Variants in TOLLIP observed in about 807,000 individuals in gnomAD.
TOLLIP encodes the protein toll-interacting protein.
TOLLIP carries 16 observed loss-of-function variants against 33.5 expected under a neutral mutation model. That is an observed-to-expected ratio of 0.48 (90% confidence interval 0.32 to 0.72). TOLLIP has a LOEUF of 0.72. Ranked by LOEUF, TOLLIP falls within the 30% of genes least tolerant of loss-of-function variation. The pLI is 0.03. For missense variants in TOLLIP, 325 were observed against 396.6 expected, an observed-to-expected ratio of 0.82 and a Z score of 1.53; for synonymous variants, 176 against 163.7, an observed-to-expected ratio of 1.07 and a Z score of -0.57.
At chr11:1,295,571 A>C in intron 2 of TOLLIP, 74 bp downstream of exon 2, 1 of 1,430,694 alleles carries the variant, frequency 7.0e-7, no homozygotes, top group African/African-American at 1.4e-5. Flanking sequence ...TGCAGTATAA[A>C]CGCCGAAATC....
chr11:1,295,863 C>A, intron 1 of TOLLIP, 69 bp from the exon 2 acceptor site: 2 of 1,480,742 alleles, frequency 1.4e-6, no homozygotes, highest in Non-Finnish European at 1.8e-6. Context: ...ACAGCAGCTG[C>A]CCCCGGCATT....
intron 1 of TOLLIP, among the ~76,000 whole-genome samples, chr11:1,296,701 T>A (rs1186913918): frequency 3.6e-5 from 4 of 110,090 alleles, no homozygotes; most frequent in African/African-American, 1.1e-4. Flanking sequence ...TGGTTGCTGG[T>A]GGAGTGGGGT....
intron 3 of TOLLIP, among the ~76,000 whole-genome samples, chr11:1,289,865 T>C (rs1423786552): frequency 7.0e-6 from 1 of 141,862 alleles, no homozygotes; most frequent in Non-Finnish European, 1.5e-5. Flanking sequence ...CACCTGCTGG[T>C]GAGCGGCCAG....
intron 2 of TOLLIP, among the ~76,000 whole-genome samples, chr11:1,294,337 GC>G (rs1864044455): frequency 1.9e-5 from 1 of 52,194 alleles, no homozygotes; most frequent in East Asian, 5.9e-4. Context: ...TTCTACGAAA[GC>G]CCGCGTGGCT....
intron 1 of TOLLIP, among the ~76,000 whole-genome samples, chr11:1,304,788 G>A (rs545006977): frequency 1.3e-5 from 2 of 152,102 alleles, no homozygotes; most frequent in East Asian, 1.9e-4. Flanking sequence ...AAATTCAAAA[G>A]GCAATGAGAG....
intron 1 of TOLLIP, among the ~76,000 whole-genome samples, chr11:1,297,607 C>G (rs1214376415): frequency 6.6e-6 from 1 of 152,258 alleles, no homozygotes; most frequent in Non-Finnish European, 1.5e-5. Context: ...GACTGGGACA[C>G]GTCACGAGTG....
In TOLLIP at chr11:1,276,617, G is replaced by A. The variant is rs1184365843; in HGVS notation, c.*422C>T. 8.0e-7 allele frequency: 1 copy of A among 1,252,428 alleles called. No homozygotes were observed. The highest frequency in any genetic ancestry group is 1.5e-5 in the African/African-American group (1 of 65,188). The allele number at this position is 1,252,428 out of a possible 1,614,324, so 77.6% of individuals were successfully genotyped here. Reference sequence around the variant, plus strand: ...AAGTTCTAAAAAAAACCCACAGTGTGAGGGATTGTGTGTGCCTTAAATCAA... The same window carrying A: ...AAGTTCTAAAAAAAACCCACAGTGTAAGGGATTGTGTGTGCCTTAAATCAA... On this transcript the variant is annotated 3_prime_UTR_variant, in exon 6 of 6. Coordinates refer to ENST00000317204, the MANE Select transcript of TOLLIP (RefSeq NM_019009.4).
At chr11:1,292,787 G>A (rs150764394) in intron 2 of TOLLIP, among the ~76,000 whole-genome samples, 8 of 152,380 alleles carry the variant, frequency 5.3e-5, no homozygotes, top group African/African-American at 7.2e-5. Context: ...AGAGATGCGC[G>A]GCAGACACAC....
At chr11:1,309,349 C>T in intron 1 of TOLLIP, 117 bp downstream of exon 1, 2 of 546,958 alleles carry the variant, frequency 3.7e-6, no homozygotes, top group Non-Finnish European at 5.3e-6. Flanking sequence ...GCCCCGCGTG[C>T]CCCGGGAGAG....
At chr11:1,307,795 C>T (rs1379141498) in intron 1 of TOLLIP, among the ~76,000 whole-genome samples, 1 of 152,202 alleles carries the variant, frequency 6.6e-6, no homozygotes, top group Admixed American at 6.5e-5. Flanking sequence ...TCTGCCGACC[C>T]GTAGGCTCCA....
intron 4 of TOLLIP, among the ~76,000 whole-genome samples, chr11:1,288,019 G>A (rs954691236): frequency 1.4e-4 from 22 of 152,092 alleles, no homozygotes; most frequent in African/African-American, 3.1e-4. Flanking sequence ...GGAGCTCTGC[G>A]TCTTGGAGCC....
intron 5 of TOLLIP, among the ~76,000 whole-genome samples, chr11:1,279,289 G>T (rs1863414484): frequency 6.6e-6 from 1 of 152,256 alleles, no homozygotes; most frequent in Non-Finnish European, 1.5e-5. Context: ...CTTCCACGGT[G>T]TGGGCTGAGG....
chr11:1,297,665 C>T (rs5743931), intron 1 of TOLLIP, among the ~76,000 whole-genome samples: 19,136 of 152,348 alleles, frequency 0.13, 1,540 homozygotes, highest in Non-Finnish European at 0.18. Context: ...AGCAGAGCAC[C>T]CCGGCTTCAC....
intron 1 of TOLLIP, among the ~76,000 whole-genome samples, chr11:1,304,162 C>CT (rs1289997769): frequency 6.6e-6 from 1 of 152,042 alleles, no homozygotes; most frequent in South Asian, 2.1e-4. Flanking sequence ...CACTCCCGGG[C>CT]TGCTCAGCAG....
Position 1,277,111 on chromosome 11 carries a change from G to A in TOLLIP, c.753C>T (p.Ser251=), listed in dbSNP as rs752015473. ...FPNMDQEVIR[S]VLEAQRGNKD... ...TGTTCCCTCGCTGGGCTTCCAGCAC[G>A]GAGCGGATCACCTCCTGGTCCATGT... The change falls in exon 6 of 6, where the codon TCC becomes TCT. Residue 251 remains serine (S), a synonymous_variant. Transcript: ENST00000317204. The surrounding 1 kb of genome is among the most constrained non-coding windows in gnomAD (Gnocchi z 4.2). 2.3e-5 allele frequency: 37 copies of A among 1,614,026 alleles called. No individual in the cohort carries two copies. The highest frequency in any genetic ancestry group is 1.6e-4 in the Middle Eastern group (1 of 6,084).
rs1176348501 is a variant in TOLLIP at position 1,303,749 on chromosome 11, G to T, written c.33+5717C>A. On this transcript the variant is annotated intron_variant, in intron 1 of 5. Coordinates refer to ENST00000317204, the MANE Select transcript of TOLLIP (RefSeq NM_019009.4). The surrounding 1 kb of genome is among the most constrained non-coding windows in gnomAD (Gnocchi z 4.2). ...GTGTTAGAGGCCCAGATGAACAGAGGTTAGGGCCGGGTGCAGTGGCTCACG... is the reference window on the plus strand; with the variant it reads ...GTGTTAGAGGCCCAGATGAACAGAGTTTAGGGCCGGGTGCAGTGGCTCACG... 6.6e-6 allele frequency among the ~76,000 whole-genome samples: 1 copy of T among 152,236 alleles called. No individual in the cohort carries two copies. Among genetic ancestry groups the T allele is most frequent in the Non-Finnish European group, 1.5e-5 (1 of 68,046 alleles).
At chr11:1,295,852 G>A (rs1564976110) in intron 1 of TOLLIP, 58 bp from the exon 2 acceptor site, 7 of 1,493,340 alleles carry the variant, frequency 4.7e-6, no homozygotes, top group Non-Finnish European at 6.3e-6. Flanking sequence ...AAAGCAGCCC[G>A]ACAGCAGCTG....
intron 1 of TOLLIP, among the ~76,000 whole-genome samples, chr11:1,301,098 A>G (rs914110739): frequency 7.2e-5 from 11 of 152,280 alleles, no homozygotes; most frequent in African/African-American, 2.4e-4. Context: ...CTATGCGCTG[A>G]GCAGCGCTGA....
At chr11:1,286,307 G>A (rs1205071897) in intron 4 of TOLLIP, among the ~76,000 whole-genome samples, 1 of 152,218 alleles carries the variant, frequency 6.6e-6, no homozygotes, top group Non-Finnish European at 1.5e-5. Flanking sequence ...TCCAGGAGGT[G>A]ACATGGCTCG....
Sources: gnomAD v4.1 joint callset for allele counts (sites outside exome capture counted in the v4.1 genomes callset) on GRCh38, gnomAD v4.1.1 for gene constraint, Gnocchi (gnomAD v3.1) non-coding constraint, MANE v1.5 for transcripts, NCBI Gene and HGNC (gene_info 2026-07-23, HGNC 2026-07-21) for gene names.